The following TUT4 variants were observed in gnomAD, a reference collection of about 807,000 sequenced individuals.
TUT4 encodes terminal uridylyltransferase 4.
In TUT4, 36 loss-of-function variants were observed where a neutral mutation model predicts 192.2. The observed-to-expected ratio is 0.19, with a 90% confidence interval of 0.14 to 0.25. TUT4 has a LOEUF of 0.25. Ranked by LOEUF, TUT4 falls within the 10% of genes least tolerant of loss-of-function variation. The pLI, the probability that TUT4 is intolerant of heterozygous loss-of-function variation, is 1.00. For missense variants in TUT4, 1,493 were observed against 1,957.2 expected (o/e 0.76, Z 4.47); for synonymous variants, 618 against 666.0 (o/e 0.93, Z 1.11).
chr1:52,534,411 G>A lies in TUT4; in HGVS notation c.-93-8038C>T, dbSNP rs527301783. 5.9e-5 allele frequency among the ~76,000 whole-genome samples: 9 copies of A among 152,154 alleles called. No homozygotes were observed. The South Asian group carries it at 1.5e-3, about 25-fold the overall frequency. ...CTTCTGGTCTCCATATGCTTCCTTC[G>A]TTTCACCCAATTTGTTGAAAATTCA... On this transcript the variant is annotated intron_variant, in intron 1 of 29. Transcript: ENST00000257177.
At chr1:52,546,240 T>G (rs1007113904) in intron 1 of TUT4, among the ~76,000 whole-genome samples, 1 of 152,212 alleles carries the variant, frequency 6.6e-6, no homozygotes, top group Non-Finnish European at 1.5e-5. Flanking sequence ...TAAGAGATAC[T>G]GTACACTCAT....
intron 20 of TUT4, among the ~76,000 whole-genome samples, chr1:52,455,295 AATAG>A (rs1660560619): frequency 6.6e-6 from 1 of 152,048 alleles, no homozygotes; most frequent in Non-Finnish European, 1.5e-5. Flanking sequence ...AAAATAAATA[AATAG>A]ATAAATAAAA....
intron 14 of TUT4, among the ~76,000 whole-genome samples, chr1:52,468,648 C>A (rs1664868195): frequency 6.6e-6 from 1 of 152,162 alleles, no homozygotes; most frequent in Non-Finnish European, 1.5e-5. Flanking sequence ...GCATCTGGCC[C>A]ACTCAAATTT....
chr1:52,449,512 C>G (rs1658703218), intron 20 of TUT4, among the ~76,000 whole-genome samples: 1 of 152,148 alleles, frequency 6.6e-6, no homozygotes, highest in African/African-American at 2.4e-5. Context: ...ATTGGCCAGG[C>G]TGGTCTCAAA....
chr1:52,519,303 T>C (rs1679570449), intron 2 of TUT4, among the ~76,000 whole-genome samples: 1 of 152,170 alleles, frequency 6.6e-6, no homozygotes, highest in Admixed American at 6.5e-5. Context: ...ATTTCATTTA[T>C]ATAAAATAGG....
At chr1:52,472,255 C>T (rs1003230417) in intron 13 of TUT4, among the ~76,000 whole-genome samples, 153 bp from the exon 14 acceptor site, 14 of 151,700 alleles carry the variant, frequency 9.2e-5, no homozygotes, top group African/African-American at 3.4e-4. Flanking sequence ...TGTTAAAATG[C>T]AGTATTAGCT....
At chr1:52,494,744 G>A in intron 6 of TUT4, among the ~76,000 whole-genome samples, 1 of 152,174 alleles carries the variant, frequency 6.6e-6, no homozygotes, top group East Asian at 1.9e-4. Context: ...TAAAGTAAAT[G>A]TATCACCCTA....
Position 52,493,601 on chromosome 1 carries a change from A to T in TUT4, c.1318+10T>A. The T allele has an allele frequency of 6.8e-7, 1 of 1,466,126 alleles. No homozygotes were observed. Among genetic ancestry groups the T allele is most frequent in the Non-Finnish European group, 9.3e-7 (1 of 1,074,322 alleles). The allele number at this position is 1,466,126 out of a possible 1,614,324, so 90.8% of individuals were successfully genotyped here. On this transcript the variant is annotated intron_variant, in intron 7 of 29. Coordinates refer to ENST00000257177, the MANE Select transcript of TUT4 (RefSeq NM_001009881.3). ...AAAAAAAAAAGAAAAGAAAAAGAAAAGAAACTCACCATTTTTCTTTAAAAT... is the reference window on the plus strand; with the variant it reads ...AAAAAAAAAAGAAAAGAAAAAGAAATGAAACTCACCATTTTTCTTTAAAAT...
At chr1:52,440,145 G>C (rs1442135339) in intron 24 of TUT4, among the ~76,000 whole-genome samples, 1 of 152,198 alleles carries the variant, frequency 6.6e-6, no homozygotes, top group Non-Finnish European at 1.5e-5. Flanking sequence ...GACTGCTAAT[G>C]AGGACAAGGG....
At chr1:52,424,183 A>C in intron 29 of TUT4, 181 bp from the exon 30 acceptor site, 1 of 610,304 alleles carries the variant, frequency 1.6e-6, no homozygotes. Context: ...AAATACCTGT[A>C]TGTGAAAAAA....
At chr1:52,479,820 C>T (rs1668023795) in intron 11 of TUT4, among the ~76,000 whole-genome samples, 1 of 151,760 alleles carries the variant, frequency 6.6e-6, no homozygotes, top group Non-Finnish European at 1.5e-5. Context: ...CGGTGAAACC[C>T]CATCTCTACT....
At chr1:52,452,648 G>A (rs1312462663) in intron 20 of TUT4, among the ~76,000 whole-genome samples, 6 of 152,230 alleles carry the variant, frequency 3.9e-5, no homozygotes, top group African/African-American at 7.2e-5. Flanking sequence ...GAGGTTCCTA[G>A]ATGGTGGTAT....
At chr1:52,488,091 G>A (rs890538763) in intron 9 of TUT4, among the ~76,000 whole-genome samples, 2 of 152,176 alleles carry the variant, frequency 1.3e-5, no homozygotes, top group African/African-American at 4.8e-5. Context: ...CTTTCTGACT[G>A]TTTCGTACTC....
At chr1:52,457,266 CCTCT>C (rs2148639711) in intron 20 of TUT4, among the ~76,000 whole-genome samples, 1 of 151,076 alleles carries the variant, frequency 6.6e-6, no homozygotes, top group East Asian at 1.9e-4. Context: ...ATGGACTCTC[CCTCT>C]CTGTCACCAG....
chr1:52,425,710 T>C (rs1221132444), intron 28 of TUT4, among the ~76,000 whole-genome samples: 1 of 152,142 alleles, frequency 6.6e-6, no homozygotes, highest in African/African-American at 2.4e-5. Flanking sequence ...AGAAGAGATA[T>C]ATATATACAC....
chr1:52,547,464 T>C (rs1184649655), intron 1 of TUT4, among the ~76,000 whole-genome samples: 1 of 152,052 alleles, frequency 6.6e-6, no homozygotes, highest in Non-Finnish European at 1.5e-5. Context: ...GAAAACAGTT[T>C]GGCAGTTCCT....
chr1:52,477,720 T>C lies in TUT4; in HGVS notation c.2011A>G (p.Ile671Val). 1.2e-6 allele frequency: 2 copies of C among 1,609,500 alleles called. No individual in the cohort carries two copies. Among genetic ancestry groups the C allele is most frequent in the Non-Finnish European group, 1.7e-6 (2 of 1,178,582 alleles). The change falls in exon 12 of 30, where the codon ATA becomes GTA. Residue 671 changes from isoleucine to valine, a missense_variant. Ile to Val is a conservative substitution (Grantham distance 29). Transcript: ENST00000257177. Reference protein sequence around the residue: ...RENKNWPKRRIAIEDPFSVKR... With the variant: ...RENKNWPKRRVAIEDPFSVKR... ...CATATCATCTCACCTTCAATGGCTA[T>C]TCGCCTTTTAGGCCAGTTTTTATTT...
intron 20 of TUT4, among the ~76,000 whole-genome samples, chr1:52,450,008 C>A (rs567520451): frequency 6.6e-6 from 1 of 152,238 alleles, no homozygotes; most frequent in East Asian, 1.9e-4. Context: ...ACTCCCAAAT[C>A]TTTTTTGGAA....
At chr1:52,448,503 C>T (rs1383122396) in intron 20 of TUT4, among the ~76,000 whole-genome samples, 2 of 146,988 alleles carry the variant, frequency 1.4e-5, no homozygotes, top group South Asian at 2.2e-4. Context: ...GCAGGAGAAT[C>T]GCTTGAACTC....
Sources: gnomAD v4.1 joint callset for allele counts (sites outside exome capture counted in the v4.1 genomes callset) on GRCh38, gnomAD v4.1.1 for gene constraint, MANE v1.5 for transcripts, NCBI Gene and HGNC (gene_info 2026-07-23, HGNC 2026-07-21) for gene names.